The following TPTE2 variants were observed in gnomAD, a reference collection of about 807,000 sequenced individuals.
The protein encoded by TPTE2 is phosphatidylinositol 3,4,5-trisphosphate 3-phosphatase TPTE2.
A neutral mutation model predicts 78.6 loss-of-function variants in TPTE2; 53 were observed. The observed-to-expected ratio is 0.67, with a 90% CI of 0.54 to 0.85. TPTE2 has a LOEUF of 0.85. Ranked by LOEUF, TPTE2 falls within the 40% of genes least tolerant of loss-of-function variation. TPTE2 has a pLI of 0.00. For missense variants in TPTE2, 461 were observed against 623.0 expected (o/e 0.74, Z 2.77); for synonymous variants, 175 against 206.2 (o/e 0.85, Z 1.30).
At position 19,532,564 on chromosome 13, in the gene TPTE2, T is replaced by C. The variant is rs149808409; in HGVS notation, c.-44+4032A>G. Among the ~76,000 whole-genome samples the C allele has an allele frequency of 2.5e-3, 374 of 152,328 alleles. 2 individuals are homozygous for C. The Middle Eastern group carries it at 0.037, about 15-fold the overall frequency. ...CCAGACCTGTGAGAAAACAAATTCT[T>C]GTTCTTTATACATTACCCAGTCTGT... On this transcript the variant is annotated intron_variant, in intron 1 of 17. Coordinates refer to the TPTE2 transcript ENST00000390680.
exon 15 of TPTE2, chr13:19,436,227 T>C (rs1877073047): frequency 2.5e-6 from 4 of 1,609,578 alleles, no homozygotes; most frequent in Non-Finnish European, 3.4e-6. Flanking sequence ...AAAACTTACC[T>C]GAGAAGGAGT....
At chr13:19,540,477 G>A (rs546890874), upstream of TPTE2, among the ~76,000 whole-genome samples, 72 of 151,796 alleles carry the variant, frequency 4.7e-4, 1 homozygote, top group South Asian at 3.1e-3. Flanking sequence ...ACTAACTTTT[G>A]TATTTTTAGT....
At chr13:19,555,342 C>T in the TPTE2 span, among the ~76,000 whole-genome samples, 1 of 151,974 alleles carries the variant, frequency 6.6e-6, no homozygotes, top group East Asian at 1.9e-4. Context: ...TGGAACAAGA[C>T]GTGGGAATCA....
chr13:19,427,074 C>CTTTTT (rs1483318899), intron 17 of TPTE2, among the ~76,000 whole-genome samples: 1 of 91,614 alleles, frequency 1.1e-5, no homozygotes, highest in Non-Finnish European at 2.2e-5. Context: ...TTTTTCTTTT[C>CTTTTT]TTTTCTTTTT....
At chr13:19,506,234 G>A (rs1253019236), upstream of TPTE2, among the ~76,000 whole-genome samples, 1 of 123,452 alleles carries the variant, frequency 8.1e-6, no homozygotes, top group Non-Finnish European at 1.6e-5. Context: ...TGCAGTGGCG[G>A]GATCTCGGCT....
chr13:19,527,049 TA>T (rs1302022722), intron 1 of TPTE2, among the ~76,000 whole-genome samples: 2 of 152,068 alleles, frequency 1.3e-5, no homozygotes, highest in Non-Finnish European at 2.9e-5. Context: ...CTCATGCCTG[TA>T]ATCCCAGCAC....
chr13:19,446,617 A>G (rs1392836326), intron 13 of TPTE2, among the ~76,000 whole-genome samples: 6 of 152,336 alleles, frequency 3.9e-5, no homozygotes, highest in Admixed American at 2.0e-4. Context: ...ATACACACAC[A>G]TAGAAAAACA....
chr13:19,551,019 A>G, the TPTE2 span, among the ~76,000 whole-genome samples: 1 of 152,164 alleles, frequency 6.6e-6, no homozygotes, highest in Non-Finnish European at 1.5e-5. Context: ...AGTTTCTTCA[A>G]ATAATGAAAT....
At chr13:19,560,835 C>A in the TPTE2 span, 1 of 1,547,812 alleles carries the variant, frequency 6.5e-7, no homozygotes, top group Non-Finnish European at 8.8e-7. Flanking sequence ...CAGGCGCGCT[C>A]CCGCAGGCTC....
intron 1 of TPTE2, among the ~76,000 whole-genome samples, chr13:19,514,928 T>C (rs76318496): frequency 1.3e-5 from 2 of 152,154 alleles, no homozygotes; most frequent in Non-Finnish European, 2.9e-5. Flanking sequence ...ATTTAATCTC[T>C]CTGCAACTTT....
chr13:19,503,163 GTGAA>G, intron 1 of TPTE2, 57 bp downstream of exon 4: 3 of 1,609,246 alleles, frequency 1.9e-6, no homozygotes, highest in Non-Finnish European at 1.7e-6. Flanking sequence ...GCCTGTGTGT[GTGAA>G]TACTTCTATG....
At chr13:19,480,054 C>G (rs1267103494) in intron 4 of TPTE2, among the ~76,000 whole-genome samples, 6 of 138,788 alleles carry the variant, frequency 4.3e-5, no homozygotes, top group Admixed American at 7.8e-5. Context: ...ATTAAAAGCA[C>G]AAATATTAAC....
intron 4 of TPTE2, among the ~76,000 whole-genome samples, chr13:19,480,632 A>G (rs2087790207): frequency 6.6e-6 from 1 of 152,208 alleles, no homozygotes. Context: ...CAATAGATTT[A>G]ACTTTTCAGT....
chr13:19,503,867 A>C (rs1868797539), upstream of TPTE2, among the ~76,000 whole-genome samples: 1 of 152,086 alleles, frequency 6.6e-6, no homozygotes, highest in East Asian at 1.9e-4. Context: ...CAGCCTCCTG[A>C]GTACCTGGGA....
the TPTE2 span, chr13:19,560,382 G>C: frequency 6.2e-7 from 1 of 1,608,014 alleles, no homozygotes; most frequent in African/African-American, 1.3e-5. Flanking sequence ...GTTCCCCCAG[G>C]CCAGCTGCCC....
intron 11 of TPTE2, 39 bp downstream of exon 14, chr13:19,451,126 T>C: frequency 1.2e-6 from 2 of 1,605,948 alleles, no homozygotes; most frequent in Non-Finnish European, 1.7e-6. Context: ...GTAATCTGTT[T>C]TCTACCTACA....
chr13:19,496,739 G>T (rs1205706823), intron 1 of TPTE2, among the ~76,000 whole-genome samples: 1 of 152,110 alleles, frequency 6.6e-6, no homozygotes, highest in African/African-American at 2.4e-5. Flanking sequence ...AATCTGGTAC[G>T]CTCTCAAACT....
intron 4 of TPTE2, among the ~76,000 whole-genome samples, chr13:19,481,806 A>G (rs996014672): frequency 3.3e-5 from 5 of 152,196 alleles, no homozygotes; most frequent in African/African-American, 1.2e-4. Context: ...GCTTACAACC[A>G]TGGTGAGTTA....
intron 17 of TPTE2, among the ~76,000 whole-genome samples, chr13:19,428,275 C>T (rs1876296267): frequency 2.0e-5 from 3 of 151,936 alleles, no homozygotes; most frequent in African/African-American, 7.3e-5. Context: ...ATGGAGAAAC[C>T]CCGTCTCTAC....
Sources: allele counts gnomAD v4.1 joint callset (sites outside exome capture counted in the v4.1 genomes callset), GRCh38; gene constraint gnomAD v4.1.1; transcripts MANE v1.5; gene names NCBI Gene and HGNC (gene_info 2026-07-23, HGNC 2026-07-21).